Variants in TNRC6B observed in about 807,000 individuals in gnomAD.
TNRC6B encodes trinucleotide repeat containing adaptor 6B.
Under a neutral mutation model 203.6 loss-of-function variants are expected in TNRC6B, and 52 were observed. The ratio of observed to expected loss-of-function variants is 0.26; its 90% CI spans 0.20 to 0.32. The LOEUF (loss-of-function observed/expected upper bound fraction) is 0.32. TNRC6B is among the 10% of genes least tolerant of loss of function. TNRC6B has a pLI of 1.00. For missense variants in TNRC6B, 1,923 were observed against 2,286.2 expected (o/e 0.84, Z 3.24); for synonymous variants, 838 against 845.7 (o/e 0.99, Z 0.16).
intron 3 of TNRC6B, among the ~76,000 whole-genome samples, chr22:40,253,880 G>T (rs1381623442): frequency 6.6e-6 from 1 of 152,126 alleles, no homozygotes; most frequent in Non-Finnish European, 1.5e-5. Flanking sequence ...CCCAAAGATG[G>T]TGTCTTCCTC....
In TNRC6B at chr22:40,136,568, T is replaced by C. The variant is rs1055298901; in HGVS notation, c.45+10706T>C. Among the ~76,000 whole-genome samples, 4 of 146,638 alleles carry C rather than the reference T, an allele frequency of 2.7e-5. No homozygotes were observed. The South Asian group carries it at 6.5e-4, about 24-fold the overall frequency. ...ATGCATGCCACCACACCGAGCTAAATTTTTTTTTTTTAACTCTTTTTGTAG... is the reference window on the plus strand; with the variant it reads ...ATGCATGCCACCACACCGAGCTAAACTTTTTTTTTTTAACTCTTTTTGTAG... On this transcript the variant is annotated intron_variant, in intron 3 of 23. Coordinates refer to the TNRC6B transcript ENST00000301923.
chr22:40,078,931 G>A (rs2068042708), intron 1 of TNRC6B, among the ~76,000 whole-genome samples: 1 of 151,740 alleles, frequency 6.6e-6, no homozygotes, highest in Non-Finnish European at 1.5e-5. Flanking sequence ...AAAATTAGCT[G>A]GGCGTGGTGG....
chr22:40,267,700 T>C (rs1167519417), intron 5 of TNRC6B, among the ~76,000 whole-genome samples: 3 of 152,108 alleles, frequency 2.0e-5, no homozygotes, highest in Admixed American at 6.5e-5. Context: ...CTTCAGTCTC[T>C]ACAAAAATAT....
chr22:40,192,054 C>A (rs2069281777), intron 1 of TNRC6B, among the ~76,000 whole-genome samples: 1 of 152,132 alleles, frequency 6.6e-6, no homozygotes, highest in Non-Finnish European at 1.5e-5. Context: ...GAGATAGGAT[C>A]TTGCTTTTTT....
intron 12 of TNRC6B, among the ~76,000 whole-genome samples, chr22:40,288,544 A>AT (rs778911598): frequency 3.5e-3 from 500 of 143,266 alleles, no homozygotes; most frequent in African/African-American, 7.2e-3. Context: ...ATCTCTACAA[A>AT]TTTTTTTTTT....
intron 1 of TNRC6B, chr22:40,107,038 T>C (rs904912363): frequency 6.5e-6 from 6 of 929,244 alleles, no homozygotes; most frequent in Middle Eastern, 3.4e-4. Flanking sequence ...GCAGGAACCT[T>C]CTTCTTCTTC....
At chr22:40,311,522 GT>G (rs1330647374) in intron 17 of TNRC6B, among the ~76,000 whole-genome samples, 1 of 151,806 alleles carries the variant, frequency 6.6e-6, no homozygotes, top group Non-Finnish European at 1.5e-5. Flanking sequence ...AATATGTATA[GT>G]TTCGTTTTAT....
At chr22:40,174,391 A>G (rs2069035215), upstream of TNRC6B, among the ~76,000 whole-genome samples, 1 of 151,770 alleles carries the variant, frequency 6.6e-6, no homozygotes, top group East Asian at 1.9e-4. Context: ...ATGTTGGCCA[A>G]GCTGGTCTCG....
chr22:40,213,150 C>T (rs2069587721), intron 1 of TNRC6B, among the ~76,000 whole-genome samples: 1 of 152,112 alleles, frequency 6.6e-6, no homozygotes. Context: ...TCCTGCCACA[C>T]CTGGAGTAAT....
chr22:40,150,131 A>G (rs557908686), intron 3 of TNRC6B, among the ~76,000 whole-genome samples: 2 of 152,320 alleles, frequency 1.3e-5, no homozygotes, highest in African/African-American at 4.8e-5. Flanking sequence ...AATTATTTTT[A>G]CTTTGGGAGG....
At chr22:40,260,474 T>G (rs1356624115) in intron 3 of TNRC6B, among the ~76,000 whole-genome samples, 1 of 152,126 alleles carries the variant, frequency 6.6e-6, no homozygotes, top group East Asian at 1.9e-4. Flanking sequence ...TAGAGAGAGA[T>G]GGGACTTGTA....
At chr22:40,202,753 G>C (rs1347233389) in intron 1 of TNRC6B, among the ~76,000 whole-genome samples, 1 of 152,070 alleles carries the variant, frequency 6.6e-6, no homozygotes, top group Non-Finnish European at 1.5e-5. Context: ...TGCTGGAAGA[G>C]GGCCAGGAGT....
Position 40,077,438 on chromosome 22 carries a change from G to A in TNRC6B, c.-121+32440G>A, listed in dbSNP as rs377302844. Among the ~76,000 whole-genome samples, 21 of 152,222 alleles carry A rather than the reference G, an allele frequency of 1.4e-4. 2 individuals carry two copies. The highest frequency in any genetic ancestry group is 9.8e-4 in the Admixed American group (15 of 15,298). Reference sequence around the variant, plus strand: ...CAAGTCTGGTAGTAGTTGCTTCATCGTGGCCTGAAGCAGAAGTTGAGATCT... The same window carrying A: ...CAAGTCTGGTAGTAGTTGCTTCATCATGGCCTGAAGCAGAAGTTGAGATCT... On this transcript the variant is annotated intron_variant, in intron 1 of 23. Transcript: ENST00000301923.
At chr22:40,307,421 C>A (rs2071102495) in intron 15 of TNRC6B, among the ~76,000 whole-genome samples, 1 of 152,200 alleles carries the variant, frequency 6.6e-6, no homozygotes, top group Admixed American at 6.5e-5. Flanking sequence ...CCCTGTGGCT[C>A]ATTCTCATTT....
intron 15 of TNRC6B, 64 bp from the exon 16 acceptor site, chr22:40,308,448 C>G: frequency 3.8e-6 from 6 of 1,592,456 alleles, no homozygotes; most frequent in Non-Finnish European, 4.3e-6. Context: ...CATTCCTGGA[C>G]TCTGCTTCAG....
intron 1 of TNRC6B, among the ~76,000 whole-genome samples, chr22:40,098,122 A>C (rs978096091): frequency 6.6e-6 from 1 of 152,268 alleles, no homozygotes; most frequent in East Asian, 1.9e-4. Context: ...ATGGTGGCTC[A>C]TGCCTGTAAT....
At chr22:40,121,841 G>C (rs1445041877) in intron 2 of TNRC6B, among the ~76,000 whole-genome samples, 1 of 152,240 alleles carries the variant, frequency 6.6e-6, no homozygotes, top group Non-Finnish European at 1.5e-5. Context: ...CATAACTACA[G>C]TCGCTGCTAA....
intron 3 of TNRC6B, among the ~76,000 whole-genome samples, chr22:40,134,744 C>T (rs1232530452): frequency 6.6e-6 from 1 of 152,150 alleles, no homozygotes; most frequent in East Asian, 1.9e-4. Flanking sequence ...AATATTGGTT[C>T]ATGAATTGTG....
At chr22:40,209,707 G>A (rs1489435009) in intron 1 of TNRC6B, among the ~76,000 whole-genome samples, 1 of 152,140 alleles carries the variant, frequency 6.6e-6, no homozygotes, top group Non-Finnish European at 1.5e-5. Context: ...TGGGAAGAAA[G>A]ACTTCCACCT....
Sources: allele counts gnomAD v4.1 joint callset (sites outside exome capture counted in the v4.1 genomes callset), GRCh38; gene constraint gnomAD v4.1.1; transcripts MANE v1.5; gene names NCBI Gene and HGNC (gene_info 2026-07-23, HGNC 2026-07-21).